The following DNAH3 variants were observed in gnomAD, a reference collection of about 807,000 sequenced individuals.
DNAH3 encodes the protein dynein axonemal heavy chain 3.
Under a neutral mutation model 432.5 loss-of-function variants are expected in DNAH3, and 332 were observed. The observed-to-expected ratio is 0.77, with a 90% CI of 0.70 to 0.84. The LOEUF (loss-of-function observed/expected upper bound fraction) is 0.84. Among genes scored for constraint, DNAH3 ranks in the 40% least tolerant of loss-of-function variants. The pLI is 0.00. For synonymous variants in DNAH3, 1,956 were observed against 1,900.2 expected, an observed-to-expected ratio of 1.03 and a Z score of -0.76; for missense variants, 4,861 against 5,114.0, an observed-to-expected ratio of 0.95 and a Z score of 1.51.
exon 16 of DNAH3, chr16:21,104,523 G>C: frequency 6.2e-7 from 1 of 1,614,000 alleles, no homozygotes; most frequent in Non-Finnish European, 8.5e-7. Flanking sequence ...AGCAAGTTCC[G>C]GCTGTTGTCA....
chr16:21,102,970 A>T (rs539604132), intron 16 of DNAH3, among the ~76,000 whole-genome samples: 1 of 150,538 alleles, frequency 6.6e-6, no homozygotes, highest in South Asian at 2.1e-4. Context: ...TGACCTCATG[A>T]TCTGCCTGCC....
intron 3 of DNAH3, among the ~76,000 whole-genome samples, chr16:21,143,734 A>G (rs2092749283): frequency 1.3e-5 from 2 of 152,348 alleles, no homozygotes; most frequent in African/African-American, 2.4e-5. Flanking sequence ...TAATACACAA[A>G]TAACACTGGT....
At chr16:20,985,824 CATCCTT>C in intron 47 of DNAH3, 109 bp from the exon 48 acceptor site, 1 of 1,116,160 alleles carries the variant, frequency 9.0e-7, no homozygotes, top group Non-Finnish European at 1.3e-6. Flanking sequence ...CCTCTGAGCA[CATCCTT>C]CAAGGTCATG....
At chr16:20,963,831 G>A in exon 53 of DNAH3, 1 of 1,614,074 alleles carries the variant, frequency 6.2e-7, no homozygotes, top group Non-Finnish European at 8.5e-7. Flanking sequence ...GGGTGAAATG[G>A]TCAATGATGT....
At chr16:20,948,401 G>T in intron 57 of DNAH3, 82 bp downstream of exon 57, 1 of 1,444,402 alleles carries the variant, frequency 6.9e-7, no homozygotes, top group Non-Finnish European at 9.4e-7. Flanking sequence ...TGGGATCCCT[G>T]GCTACACTGC....
exon 3 of DNAH3, chr16:21,145,330 T>C (rs767344724): frequency 6.2e-7 from 1 of 1,614,172 alleles, no homozygotes; most frequent in South Asian, 1.1e-5. Flanking sequence ...GTGGTGATGC[T>C]GTTCTTTGAA....
At chr16:21,130,203 A>G (rs1279664851) in intron 7 of DNAH3, 3 of 151,842 alleles carry the variant, frequency 2.0e-5, no homozygotes, top group Non-Finnish European at 1.5e-5. Context: ...GACACCTCCT[A>G]GAACTATTGA....
exon 53 of DNAH3, chr16:20,964,799 T>C (rs1157522933): frequency 7.4e-6 from 12 of 1,614,122 alleles, no homozygotes; most frequent in East Asian, 2.2e-5. Context: ...ACCTTGTCCT[T>C]ACATTCAGCC....
At chr16:21,106,638 G>T in exon 15 of DNAH3, 1 of 1,604,904 alleles carries the variant, frequency 6.2e-7, no homozygotes, top group South Asian at 1.1e-5. Context: ...GAACCTCACT[G>T]ACTTTGTCTG....
rs532553221 is a variant in DNAH3, at chr16:21,036,983, C to T, written c.4951-135G>A. ...AGACCTTATTTTTCTTGCACCAAAA[C>T]TTTTCTACAATTACAAATGAAAATG... On this transcript the variant is annotated intron_variant, in intron 34 of 61. Transcript: ENST00000261383. 28 of 693,988 alleles carry T rather than the reference C, an allele frequency of 4.0e-5. No homozygotes were observed. The East Asian group carries it at 7.2e-4, about 18-fold the overall frequency. The allele number at this position is 693,988 out of a possible 1,614,324, so 43.0% of individuals were successfully genotyped here. A position where few individuals can be genotyped will look rare whatever the true frequency, so the allele number is the denominator to read the frequency against.
intron 49 of DNAH3, among the ~76,000 whole-genome samples, chr16:20,981,171 A>C (rs2085879390): frequency 6.6e-6 from 1 of 152,238 alleles, no homozygotes; most frequent in Admixed American, 6.5e-5. Flanking sequence ...CTGGTAACAA[A>C]GTCAGGCCCT....
chr16:21,134,935 G>A (rs2092622199), intron 6 of DNAH3, among the ~76,000 whole-genome samples: 1 of 152,004 alleles, frequency 6.6e-6, no homozygotes, highest in South Asian at 2.1e-4. Flanking sequence ...TGATCCACCC[G>A]CCTCGGCCTC....
chr16:21,152,791 G>C (rs1007810575), intron 1 of DNAH3, among the ~76,000 whole-genome samples: 9 of 152,236 alleles, frequency 5.9e-5, no homozygotes, highest in Non-Finnish European at 1.2e-4. Flanking sequence ...CTAGCCCACC[G>C]GCGCTGCGCT....
chr16:21,042,041 G>A (rs780834166), exon 32 of DNAH3: 3 of 1,613,882 alleles, frequency 1.9e-6, no homozygotes, highest in Non-Finnish European at 2.5e-6. Context: ...AGATTGTCGG[G>A]CAGTTCAGCC....
At chr16:20,941,097 C>T (rs2083790054) in intron 59 of DNAH3, among the ~76,000 whole-genome samples, 1 of 152,126 alleles carries the variant, frequency 6.6e-6, no homozygotes, top group Admixed American at 6.5e-5. Context: ...GAGACCTCAA[C>T]TCAGGAAAGA....
chr16:21,030,718 A>C (rs1317640415), intron 37 of DNAH3, among the ~76,000 whole-genome samples: 1 of 152,202 alleles, frequency 6.6e-6, no homozygotes, highest in Non-Finnish European at 1.5e-5. Context: ...CTTTCTACAA[A>C]TGAGAAAACT....
intron 5 of DNAH3, among the ~76,000 whole-genome samples, chr16:21,139,626 G>C (rs1417690654): frequency 1.3e-5 from 2 of 151,512 alleles, no homozygotes; most frequent in Admixed American, 6.6e-5. Context: ...ACAGATGCAT[G>C]GTACCATACC....
At chr16:20,987,613 G>A (rs2086261482) in intron 46 of DNAH3, 80 bp downstream of exon 46, 1 of 1,562,370 alleles carries the variant, frequency 6.4e-7, no homozygotes, top group Non-Finnish European at 8.7e-7. Flanking sequence ...ATAAAAGTTA[G>A]CTATTACTGC....
chr16:21,096,916 C>T (rs891143917), intron 18 of DNAH3, among the ~76,000 whole-genome samples: 2 of 152,154 alleles, frequency 1.3e-5, no homozygotes, highest in African/African-American at 4.8e-5. Flanking sequence ...AGGATAGTAA[C>T]CTCTTCCTCC....
Sources: gnomAD v4.1 joint callset for allele counts (sites outside exome capture counted in the v4.1 genomes callset) on GRCh38, gnomAD v4.1.1 for gene constraint, MANE v1.5 for transcripts, NCBI Gene and HGNC (gene_info 2026-07-23, HGNC 2026-07-21) for gene names.